TLN2: variants seen among roughly 807,000 people sequenced by gnomAD.
The protein encoded by TLN2 is talin 2.
Under a neutral mutation model 294.7 loss-of-function variants are expected in TLN2, and 118 were observed. That is an observed-to-expected ratio of 0.40 (90% CI 0.34 to 0.47). The LOEUF is 0.47. TLN2 is among the 20% of genes least tolerant of loss of function. TLN2 has a pLI of 0.84. For missense variants in TLN2, 3,083 were observed against 3,282.2 expected, an observed-to-expected ratio of 0.94 and a Z score of 1.48; for synonymous variants, 1,431 against 1,304.5, an observed-to-expected ratio of 1.10 and a Z score of -2.09.
intron 3 of TLN2, among the ~76,000 whole-genome samples, chr15:62,642,901 C>T (rs1193449100): frequency 6.6e-6 from 1 of 152,078 alleles, no homozygotes; most frequent in Admixed American, 6.6e-5. Context: ...GGGGTTTCGC[C>T]ATGTTGGCCA....
At chr15:62,514,251 G>A (rs571609974) in intron 1 of TLN2, among the ~76,000 whole-genome samples, 1 of 152,148 alleles carries the variant, frequency 6.6e-6, no homozygotes, top group East Asian at 1.9e-4. Flanking sequence ...TTATGAATGA[G>A]GTTTTACCTG....
chr15:62,565,308 G>C (rs2043304686), intron 1 of TLN2, among the ~76,000 whole-genome samples: 1 of 152,114 alleles, frequency 6.6e-6, no homozygotes, highest in Non-Finnish European at 1.5e-5. Context: ...ATCTAACTTA[G>C]AAGATATAGG....
intron 1 of TLN2, among the ~76,000 whole-genome samples, chr15:62,494,708 G>C (rs1375637145): frequency 6.6e-6 from 1 of 151,898 alleles, no homozygotes; most frequent in Non-Finnish European, 1.5e-5. Flanking sequence ...CAAGGCTAAA[G>C]ATTTTTTTTT....
Position 62,755,536 on chromosome 15 carries a change from T to A in TLN2, c.4481T>A (p.Leu1494Gln). The A allele has an allele frequency of 6.2e-7, 1 of 1,614,112 alleles. No individual in the cohort carries two copies. The highest frequency in any genetic ancestry group is 8.5e-7 in the Non-Finnish European group (1 of 1,179,960). ...ACCTAGCTCCATGCTTTGTAGGTCC[T>A]GTCAGCCGCCACAATTGTTGCCAAG... is the stretch of plus-strand genomic sequence containing the variant. Reference protein sequence around the residue: ...VDPGSSPSQVLSAATIVAKHT... With the variant: ...VDPGSSPSQVQSAATIVAKHT... The change falls in exon 37 of 59, where the codon CTG becomes CAG. Residue 1494 changes from leucine to glutamine, a missense_variant. Transcript: ENST00000636159.
At chr15:62,433,270 C>G (rs373094) in intron 1 of TLN2, among the ~76,000 whole-genome samples, 22 of 152,154 alleles carry the variant, frequency 1.4e-4, no homozygotes, top group African/African-American at 4.8e-4. Context: ...ACACAGAAGC[C>G]TGAGGGTTTT....
At chr15:62,794,912 T>C (rs1177592038) in intron 46 of TLN2, among the ~76,000 whole-genome samples, 2 of 152,220 alleles carry the variant, frequency 1.3e-5, no homozygotes, top group East Asian at 3.8e-4. Context: ...GTCAGATTCT[T>C]CTTTGGGTCG....
chr15:62,410,166 C>G (rs558703455), intron 1 of TLN2, among the ~76,000 whole-genome samples: 2 of 151,798 alleles, frequency 1.3e-5, no homozygotes, highest in African/African-American at 2.4e-5. Context: ...TGCTTGAACC[C>G]GGGAGACGGA....
intron 41 of TLN2, among the ~76,000 whole-genome samples, chr15:62,767,161 G>A (rs1180745029): frequency 1.3e-5 from 2 of 152,112 alleles, no homozygotes; most frequent in African/African-American, 2.4e-5. Flanking sequence ...TTCTTGGCAG[G>A]TATCGATTTT....
chr15:62,454,445 A>T (rs995358740), intron 1 of TLN2, among the ~76,000 whole-genome samples: 2 of 152,084 alleles, frequency 1.3e-5, no homozygotes, highest in Admixed American at 6.5e-5. Context: ...ATGGGACCTG[A>T]GAGCCGTCTC....
intron 1 of TLN2, among the ~76,000 whole-genome samples, chr15:62,563,136 G>A (rs2043117535): frequency 6.6e-6 from 1 of 152,096 alleles, no homozygotes; most frequent in Admixed American, 6.5e-5. Context: ...GGATCAAATT[G>A]TAGTTCTAAT....
chr15:62,787,405 T>A (rs561719221), intron 45 of TLN2, among the ~76,000 whole-genome samples: 1 of 152,202 alleles, frequency 6.6e-6, no homozygotes, highest in South Asian at 2.1e-4. Context: ...TGGAATCAGA[T>A]CCAAAACTTC....
chr15:62,457,244 A>G (rs1240632061), intron 1 of TLN2, among the ~76,000 whole-genome samples: 1 of 152,156 alleles, frequency 6.6e-6, no homozygotes, highest in African/African-American at 2.4e-5. Context: ...GCATCTTCAC[A>G]TGACAGAGCG....
At chr15:62,559,886 A>T (rs1404517034) in intron 1 of TLN2, among the ~76,000 whole-genome samples, 1 of 152,194 alleles carries the variant, frequency 6.6e-6, no homozygotes. Context: ...AGTTTCCAGT[A>T]ACCTTCTGTG....
At chr15:62,502,638 A>G (rs754482883) in intron 1 of TLN2, among the ~76,000 whole-genome samples, 1 of 152,246 alleles carries the variant, frequency 6.6e-6, no homozygotes, top group African/African-American at 2.4e-5. Flanking sequence ...ATAAAGACTC[A>G]TGATGTATCA....
At chr15:62,423,830 T>C (rs1406436347) in intron 1 of TLN2, among the ~76,000 whole-genome samples, 1 of 152,332 alleles carries the variant, frequency 6.6e-6, no homozygotes, top group African/African-American at 2.4e-5. Flanking sequence ...TCCACACATC[T>C]TGGCCTCCCA....
At chr15:62,564,736 G>A (rs1364290651) in intron 1 of TLN2, among the ~76,000 whole-genome samples, 1 of 151,600 alleles carries the variant, frequency 6.6e-6, no homozygotes, top group Non-Finnish European at 1.5e-5. Flanking sequence ...GCAAAACCCC[G>A]TCTTTACTAA....
chr15:62,473,836 G>A (rs2037628778), intron 1 of TLN2, among the ~76,000 whole-genome samples: 3 of 152,220 alleles, frequency 2.0e-5, no homozygotes, highest in African/African-American at 7.2e-5. Flanking sequence ...GCTCACGCCT[G>A]TAATCCCAGC....
At chr15:62,447,335 G>A (rs189182569) in intron 1 of TLN2, among the ~76,000 whole-genome samples, 224 of 152,084 alleles carry the variant, frequency 1.5e-3, no homozygotes, top group Non-Finnish European at 2.5e-3. Flanking sequence ...ACGTCGGGGT[G>A]GGTTGCACAG....
At chr15:62,584,073 G>A (rs1297401150) in intron 1 of TLN2, among the ~76,000 whole-genome samples, 1 of 152,190 alleles carries the variant, frequency 6.6e-6, no homozygotes, top group Non-Finnish European at 1.5e-5. Context: ...TGTGAATGTA[G>A]TGGTACAAAA....
Sources: gnomAD v4.1 joint callset for allele counts (sites outside exome capture counted in the v4.1 genomes callset) on GRCh38, gnomAD v4.1.1 for gene constraint, MANE v1.5 for transcripts, NCBI Gene and HGNC (gene_info 2026-07-23, HGNC 2026-07-21) for gene names.